The following RAMAC variants were observed in gnomAD, a reference collection of about 807,000 sequenced individuals.
RAMAC encodes RNA guanine-7 methyltransferase activating subunit, also known as RNA guanine-N7 methyltransferase activating subunit.
RAMAC carries 11 observed loss-of-function variants against 17.9 expected under a neutral mutation model. That is an observed-to-expected ratio of 0.61 (90% CI 0.39 to 1.02). RAMAC has a LOEUF of 1.02. Ranked by LOEUF, RAMAC falls within the 50% of genes least tolerant of loss-of-function variation. The probability of loss-of-function intolerance (pLI) is 0.01; values close to 1 mark genes in which losing one functional copy is unlikely to be tolerated. For synonymous variants in RAMAC, 27 were observed against 48.4 expected (o/e 0.56, Z 1.84); for missense variants, 109 against 144.0 (o/e 0.76, Z 1.25).
At chr15:82,989,219 T>G in intron 3 of RAMAC, 31 bp downstream of exon 3, 1 of 1,606,256 alleles carries the variant, frequency 6.2e-7, no homozygotes, top group Non-Finnish European at 8.5e-7. Flanking sequence ...ATGCAGATAG[T>G]TGATCTGGCA....
chr15:82,990,292 CTTT>C lies in RAMAC; in HGVS notation c.*226_*228del. On this transcript the variant is annotated 3_prime_UTR_variant, in exon 4 of 4. Coordinates refer to ENST00000304191, the MANE Select transcript of RAMAC (RefSeq NM_031452.4). ...TGCTTGACTTCTACCTCAGAATCTTCTTTGTTTCATGACTTAATAGTGCTTTAA... is the reference window on the plus strand; with the variant it reads ...TGCTTGACTTCTACCTCAGAATCTTCGTTTCATGACTTAATAGTGCTTTAA... 1 of 240,142 alleles carries C rather than the reference CTTT, an allele frequency of 4.2e-6. No homozygotes were observed. Among genetic ancestry groups the C allele is most frequent in the Non-Finnish European group, 6.7e-6 (1 of 148,462 alleles). 14.9% of individuals were successfully genotyped at this position (240,142 alleles called of 1,614,324 possible). A position where few individuals can be genotyped will look rare whatever the true frequency, so the allele number is the denominator to read the frequency against.
rs761184040 is a variant in RAMAC at position 82,989,986 on chromosome 15, G to A, written c.276G>A (p.Pro92=). 91 of 1,602,716 alleles carry A rather than the reference G, an allele frequency of 5.7e-5. No homozygotes were observed. Among genetic ancestry groups the A allele is most frequent in the Middle Eastern group, 3.3e-4 (2 of 6,058 alleles). ...WHGRSWGNNY[P]QHRQEPYYPQ... is the part of the protein sequence containing the mutation. ...GACGATCCTGGGGTAACAACTACCC[G>A]CAACACAGACAAGAACCTTACTATC... Residue 92 remains proline, a synonymous_variant, in exon 4 of 4, where the codon CCG becomes CCA. Transcript: ENST00000304191.
In RAMAC at chr15:82,990,601, T is replaced by G; in HGVS notation, c.*534T>G. 1 of 1,413,764 alleles carries G rather than the reference T, an allele frequency of 7.1e-7. No homozygotes were observed. The highest frequency in any genetic ancestry group is 9.8e-7 in the Non-Finnish European group (1 of 1,025,176). 87.6% of individuals were successfully genotyped at this position (1,413,764 alleles called of 1,614,324 possible). A position where few individuals can be genotyped will look rare whatever the true frequency, so the allele number is the denominator to read the frequency against. ...TGGTACTTTGTGATTCCTTAATCTA[T>G]AGATGAGTCAGCTCCACACTTGAGT... On this transcript the variant is annotated 3_prime_UTR_variant, in exon 4 of 4. Transcript: ENST00000304191.
In RAMAC at chr15:82,986,251, G is replaced by T. The variant is rs950766128; in HGVS notation, c.-177G>T. The T allele has an allele frequency of 9.6e-5, 22 of 228,670 alleles. No homozygotes were observed. The highest frequency in any genetic ancestry group is 2.6e-4 in the Admixed American group (4 of 15,340). The allele number at this position is 228,670 out of a possible 1,614,324, so 14.2% of individuals were successfully genotyped here. On this transcript the variant is annotated 5_prime_UTR_variant, in exon 1 of 4. Coordinates refer to ENST00000304191, the MANE Select transcript of RAMAC (RefSeq NM_031452.4). The stretch of plus-strand genomic sequence containing the variant: ...TTAGAGGAAGGCGCTCGGTTACATT[G>T]GAGAACTGGAGTGGTCTGGAGTTCC...
At chr15:82,986,833 T>C (rs2030633729) in intron 1 of RAMAC, among the ~76,000 whole-genome samples, 1 of 152,258 alleles carries the variant, frequency 6.6e-6, no homozygotes, top group Non-Finnish European at 1.5e-5. Context: ...TATTTTGCTT[T>C]TGAAGGCCCA....
chr15:82,987,236 A>T (rs72755950), intron 1 of RAMAC, 100 bp from the exon 2 acceptor site: 1 of 151,982 alleles, frequency 6.6e-6, no homozygotes, highest in African/African-American at 2.4e-5. Flanking sequence ...TTTTACTCCA[A>T]TTCTTTCCTT....
rs2030821571 is a variant in RAMAC, at chr15:82,990,720, T to C, written c.*653T>C. On this transcript the variant is annotated 3_prime_UTR_variant, in exon 4 of 4. Coordinates refer to ENST00000304191, the MANE Select transcript of RAMAC (RefSeq NM_031452.4). ...GATCTGGTGGTGGTTGGGATAAGGGTACACATCATTTTATACAAACACTAA... is the reference window on the plus strand; with the variant it reads ...GATCTGGTGGTGGTTGGGATAAGGGCACACATCATTTTATACAAACACTAA... The C allele has an allele frequency of 4.5e-6, 6 of 1,323,452 alleles. No individual in the cohort carries two copies. In the South Asian group the frequency reaches 7.6e-5, roughly 17 times the overall value. 82.0% of individuals were successfully genotyped at this position (1,323,452 alleles called of 1,614,324 possible). A position where few individuals can be genotyped will look rare whatever the true frequency, so the allele number is the denominator to read the frequency against.
At chr15:82,987,084 A>C (rs147659339) in intron 1 of RAMAC, among the ~76,000 whole-genome samples, 5,225 of 151,938 alleles carry the variant, frequency 0.034, 271 homozygotes, top group African/African-American at 0.12. Flanking sequence ...CGCCTGGCTA[A>C]TTTTTTCTAT....
rs2030621671 is a variant in RAMAC, at chr15:82,986,590, C to T, written c.-59+221C>T. Reference sequence around the variant, plus strand: ...AGCAAGCTGTGATGTGCCTTGAGGACGGACTGGAAAACGCAGTTGTTTTCA... The same window carrying T: ...AGCAAGCTGTGATGTGCCTTGAGGATGGACTGGAAAACGCAGTTGTTTTCA... On this transcript the variant is annotated intron_variant, in intron 1 of 3. Coordinates refer to ENST00000304191, the MANE Select transcript of RAMAC (RefSeq NM_031452.4). 3.9e-5 allele frequency among the ~76,000 whole-genome samples: 6 copies of T among 152,324 alleles called. No individual in the cohort carries two copies. In the South Asian group the frequency reaches 1.2e-3, roughly 32 times the overall value.
chr15:82,988,536 AAAGT>A (rs2030721110), intron 2 of RAMAC: 1 of 235,666 alleles, frequency 4.2e-6, no homozygotes, highest in South Asian at 3.8e-5. Flanking sequence ...GGAAGTTAAT[AAAGT>A]AAGAAAAATA....
At chr15:82,989,240 T>C in intron 3 of RAMAC, 52 bp downstream of exon 3, 1 of 1,582,444 alleles carries the variant, frequency 6.3e-7, no homozygotes, top group South Asian at 1.2e-5. Context: ...GAGGATAGCT[T>C]TAATCTGCTA....
chr15:82,989,692 T>C (rs925897828), intron 3 of RAMAC, among the ~76,000 whole-genome samples, 189 bp from the exon 4 acceptor site: 3 of 152,254 alleles, frequency 2.0e-5, no homozygotes, highest in African/African-American at 7.2e-5. Flanking sequence ...CCTAGTATAA[T>C]ACTGGAAGAA....
In RAMAC at chr15:82,988,199, G is replaced by C. The variant is rs1212657586; in HGVS notation, c.-9-811G>C. ...GCAAAAATTAGCTGGGTGTGGTGGCGCGTGCCTGTAATCCCAGCTACTTGG... is the reference window on the plus strand; with the variant it reads ...GCAAAAATTAGCTGGGTGTGGTGGCCCGTGCCTGTAATCCCAGCTACTTGG... On this transcript the variant is annotated intron_variant, in intron 2 of 3. Coordinates refer to ENST00000304191, the MANE Select transcript of RAMAC (RefSeq NM_031452.4). Among the ~76,000 whole-genome samples the C allele has an allele frequency of 3.3e-5, 5 of 151,770 alleles. No individual in the cohort carries two copies. In the East Asian group the frequency reaches 9.7e-4, roughly 30 times the overall value.
chr15:82,989,886 A>C lies in RAMAC; in HGVS notation c.176A>C (p.Gln59Pro), dbSNP rs2030785172. ...TTTTTGTTTTATTGTTGTAGGTTGC[A>C]AGACAACAGACAGTTCAGAGGCAGG... ...GNQRNRGNRLQDNRQFRGRDN... is the reference protein window; with the variant it reads ...GNQRNRGNRLPDNRQFRGRDN... Residue 59 changes from glutamine (Q) to proline (P), a missense_variant, in exon 4 of 4, where the codon CAA becomes CCA. Physicochemically the swap from Gln to Pro is moderately conservative, Grantham distance 76 (BLOSUM62 -1). Transcript: ENST00000304191. The C allele has an allele frequency of 6.2e-7, 1 of 1,612,838 alleles. No individual in the cohort carries two copies.
chr15:82,988,326 G>C (rs150334698), intron 2 of RAMAC: 2 of 162,450 alleles, frequency 1.2e-5, no homozygotes, highest in Non-Finnish European at 2.7e-5. Flanking sequence ...GCAAGACTCC[G>C]TCTGGGGGAA....
At position 82,990,723 on chromosome 15, in the gene RAMAC, ACAT is replaced by A; in HGVS notation, c.*660_*662del. 2 of 1,305,082 alleles carry A rather than the reference ACAT, an allele frequency of 1.5e-6. No homozygotes were observed. The highest frequency in any genetic ancestry group is 2.2e-6 in the Non-Finnish European group (2 of 928,060). The allele number at this position is 1,305,082 out of a possible 1,614,324, so 80.8% of individuals were successfully genotyped here. A position where few individuals can be genotyped will look rare whatever the true frequency, so the allele number is the denominator to read the frequency against. ...CTGGTGGTGGTTGGGATAAGGGTAC[ACAT>A]CATTTTATACAAACACTAAAGCTTT... is the stretch of plus-strand genomic sequence containing the variant. On this transcript the variant is annotated 3_prime_UTR_variant, in exon 4 of 4. Coordinates refer to ENST00000304191, the MANE Select transcript of RAMAC (RefSeq NM_031452.4).
In RAMAC at chr15:82,989,167, A is replaced by G. The variant is rs766256318; in HGVS notation, c.149A>G (p.Asn50Ser). ...VEEWNSRAGG[N>S]QRNRGNRLQD... ...GAATGGAATAGCAGAGCTGGTGGGA[A>G]CCAAAGAAACAGAGGCAATCGGTGT... Residue 50 changes from asparagine (N) to serine (S), a missense_variant, in exon 3 of 4, where the codon AAC (asparagine) becomes AGC (serine). Asn to Ser is a conservative substitution (Grantham distance 46). Coordinates refer to ENST00000304191, the MANE Select transcript of RAMAC (RefSeq NM_031452.4). 1 of 1,612,606 alleles carries G rather than the reference A, an allele frequency of 6.2e-7. No individual in the cohort carries two copies. The highest frequency in any genetic ancestry group is 1.3e-5 in the African/African-American group (1 of 74,814).
intron 2 of RAMAC, among the ~76,000 whole-genome samples, chr15:82,987,741 G>C (rs868455332): frequency 2.6e-5 from 4 of 152,178 alleles, no homozygotes; most frequent in Non-Finnish European, 4.4e-5. Context: ...GCAATAGCCT[G>C]AAAGATAAGA....
At chr15:82,989,841 CA>C (rs1446500794) in intron 3 of RAMAC, 39 bp from the exon 4 acceptor site, 1 of 1,595,010 alleles carries the variant, frequency 6.3e-7, no homozygotes, top group Non-Finnish European at 8.6e-7. Flanking sequence ...TTTTTTTTAA[CA>C]AGGGAAGTTT....
Sources: gnomAD v4.1 joint callset for allele counts (sites outside exome capture counted in the v4.1 genomes callset) on GRCh38, gnomAD v4.1.1 for gene constraint, MANE v1.5 for transcripts, NCBI Gene and HGNC (gene_info 2026-07-23, HGNC 2026-07-21) for gene names.